Variants in GPHN observed in about 807,000 individuals in gnomAD.
GPHN encodes the protein gephyrin.
In GPHN, 17 loss-of-function variants were observed where a neutral mutation model predicts 95.5. The ratio of observed to expected loss-of-function variants is 0.18; its 90% CI spans 0.12 to 0.27. The LOEUF (loss-of-function observed/expected upper bound fraction) is 0.27. GPHN is among the 10% of genes least tolerant of loss of function. The pLI is 1.00. For missense variants in GPHN, 660 were observed against 978.1 expected, an observed-to-expected ratio of 0.67 and a Z score of 4.34; for synonymous variants, 320 against 322.5, an observed-to-expected ratio of 0.99 and a Z score of 0.08.
chr14:67,697,680 G>C, the GPHN span, among the ~76,000 whole-genome samples: 1 of 150,714 alleles, frequency 6.6e-6, no homozygotes, highest in Non-Finnish European at 1.5e-5. Context: ...AACTGAAGCA[G>C]GTGGTGTTCC....
Position 66,508,155 on chromosome 14 carries a change from C to A in GPHN, c.-373C>A. On this transcript the variant is annotated 5_prime_UTR_variant, in exon 1 of 23. Coordinates refer to ENST00000478722, the MANE Select transcript of GPHN (RefSeq NM_020806.5). ...TCCAGAGCGTGTGCTATCCTTTCCT[C>A]TCAGTCCTGCCATCTAGCTGCCTTG... 1 of 458,068 alleles carries A rather than the reference C, an allele frequency of 2.2e-6. No individual in the cohort carries two copies. Among genetic ancestry groups the A allele is most frequent in the Non-Finnish European group, 4.0e-6 (1 of 247,508 alleles). 28.4% of individuals were successfully genotyped at this position (458,068 alleles called of 1,614,324 possible). A position where few individuals can be genotyped will look rare whatever the true frequency, so the allele number is the denominator to read the frequency against.
chr14:67,649,576 A>G, the GPHN span: 2 of 152,216 alleles, frequency 1.3e-5, no homozygotes, highest in Non-Finnish European at 2.9e-5. Context: ...GTGCAGGTTT[A>G]GTCAGTGGAA....
At chr14:67,396,708 G>A in the GPHN span, among the ~76,000 whole-genome samples, 12 of 152,160 alleles carry the variant, frequency 7.9e-5, no homozygotes, top group Admixed American at 2.6e-4. Context: ...TTCCTGAAGC[G>A]TTGCCTGACC....
chr14:66,855,039 G>T (rs542553914), intron 4 of GPHN, among the ~76,000 whole-genome samples: 2 of 152,068 alleles, frequency 1.3e-5, no homozygotes, highest in Admixed American at 6.6e-5. Flanking sequence ...TAGAGACAGG[G>T]TTTCACCATG....
intron 2 of GPHN, among the ~76,000 whole-genome samples, chr14:66,695,036 G>A (rs2068024176): frequency 6.6e-6 from 1 of 152,024 alleles, no homozygotes; most frequent in South Asian, 2.1e-4. Context: ...GTGCACGACT[G>A]TAATCCCAAC....
At chr14:67,038,567 T>G (rs1485992566) in intron 10 of GPHN, among the ~76,000 whole-genome samples, 1 of 152,124 alleles carries the variant, frequency 6.6e-6, no homozygotes, top group Non-Finnish European at 1.5e-5. Context: ...TTGTGATGTG[T>G]ATATGTTACC....
intron 2 of GPHN, among the ~76,000 whole-genome samples, chr14:66,704,682 C>T (rs558506520): frequency 2.0e-5 from 3 of 152,184 alleles, no homozygotes; most frequent in South Asian, 4.1e-4. Context: ...GAGAAACTTA[C>T]GGCACTAAAT....
intron 9 of GPHN, among the ~76,000 whole-genome samples, chr14:66,994,621 A>G (rs2071660528): frequency 6.6e-6 from 1 of 152,228 alleles, no homozygotes; most frequent in South Asian, 2.1e-4. Context: ...GTAAATTTTA[A>G]CAATGACAAC....
intron 5 of GPHN, among the ~76,000 whole-genome samples, chr14:66,900,444 A>AT (rs146764042): frequency 4.1e-5 from 6 of 146,286 alleles, no homozygotes; most frequent in South Asian, 2.2e-4. Context: ...ATTTTTTGAG[A>AT]TTTTTTTCTT....
At chr14:67,424,325 AGAAT>A in the GPHN span, among the ~76,000 whole-genome samples, 4 of 152,010 alleles carry the variant, frequency 2.6e-5, no homozygotes, top group African/African-American at 9.7e-5. Flanking sequence ...TGATTAAGAA[AGAAT>A]GAAGTGTGCC....
chr14:66,916,351 C>CA (rs1223278479), intron 6 of GPHN, among the ~76,000 whole-genome samples: 1 of 152,148 alleles, frequency 6.6e-6, no homozygotes, highest in Non-Finnish European at 1.5e-5. Context: ...TACTACCAAA[C>CA]ACAGAGAGCT....
chr14:67,416,098 C>A, the GPHN span, among the ~76,000 whole-genome samples: 2 of 152,180 alleles, frequency 1.3e-5, no homozygotes, highest in African/African-American at 4.8e-5. Flanking sequence ...GTGTAACAAA[C>A]CTGCACATCC....
At position 66,565,891 on chromosome 14, in the gene GPHN, C is replaced by G. The variant is rs190022743; in HGVS notation, c.64+57300C>G. Among the ~76,000 whole-genome samples the G allele has an allele frequency of 3.0e-3, 452 of 151,422 alleles. 3 individuals are homozygous for G. The highest frequency in any genetic ancestry group is 0.011 in the African/African-American group (434 of 41,222). On this transcript the variant is annotated intron_variant, in intron 1 of 22. Coordinates refer to ENST00000478722, the MANE Select transcript of GPHN (RefSeq NM_020806.5). ...TAAGTATGTACTGGAGACAGAGTTT[C>G]AGATTTGAAAAATTATTTTAAGACT... is the stretch of plus-strand genomic sequence containing the variant.
chr14:67,719,018 C>T, the GPHN span, among the ~76,000 whole-genome samples: 121 of 152,284 alleles, frequency 7.9e-4, 4 homozygotes, highest in South Asian at 0.024. Context: ...CAGTAAGATA[C>T]ACCAACAAAG....
intron 12 of GPHN, among the ~76,000 whole-genome samples, chr14:67,097,342 G>A (rs1308095256): frequency 6.6e-6 from 1 of 152,178 alleles, no homozygotes; most frequent in Non-Finnish European, 1.5e-5. Flanking sequence ...CACATGTCAC[G>A]GAGCCAACAT....
chr14:66,780,071 A>G (rs1327825762), intron 3 of GPHN, among the ~76,000 whole-genome samples: 1 of 152,160 alleles, frequency 6.6e-6, no homozygotes, highest in Non-Finnish European at 1.5e-5. Flanking sequence ...AACTTATTGG[A>G]TGTTTAGGGG....
intron 3 of GPHN, among the ~76,000 whole-genome samples, chr14:66,781,131 T>C (rs2059588995): frequency 6.6e-6 from 1 of 152,190 alleles, no homozygotes; most frequent in Admixed American, 6.5e-5. Flanking sequence ...GAATGGATTC[T>C]TAGCCCTTAG....
the GPHN span, chr14:67,573,710 C>A: frequency 2.3e-6 from 2 of 858,976 alleles, no homozygotes; most frequent in Non-Finnish European, 4.0e-6. This position sits in a 1 kb window ranked among gnomAD's most constrained non-coding sequence, Gnocchi z 4.8. Flanking sequence ...TTTCCCTTTG[C>A]TTATGACGTG....
At chr14:67,317,028 G>T in the GPHN span, 3 of 667,172 alleles carry the variant, frequency 4.5e-6, no homozygotes, top group Non-Finnish European at 7.7e-6. Context: ...AGGCAAAACT[G>T]ATTATCTCAG....
Sources: allele counts gnomAD v4.1 joint callset (sites outside exome capture counted in the v4.1 genomes callset), GRCh38; gene constraint gnomAD v4.1.1; non-coding constraint Gnocchi (gnomAD v3.1); transcripts MANE v1.5; gene names NCBI Gene and HGNC (gene_info 2026-07-23, HGNC 2026-07-21).